Variants in POF1B observed in about 807,000 individuals in gnomAD.
POF1B encodes the protein protein POF1B.
In POF1B, 53 loss-of-function variants were observed where a neutral mutation model predicts 55.3. That is an observed-to-expected ratio of 0.96 (90% CI 0.77 to 1.20). POF1B has a LOEUF of 1.20. Ranked by LOEUF, POF1B falls within the 50% of genes most tolerant of loss-of-function variation. The pLI is 0.00. For missense variants in POF1B, 478 were observed against 420.5 expected, an observed-to-expected ratio of 1.14 and a Z score of -1.20; for synonymous variants, 188 against 148.3, an observed-to-expected ratio of 1.27 and a Z score of -1.95.
chrX:85,297,048 T>C (rs1200089626), intron 15 of POF1B, among the ~76,000 whole-genome samples: 2 of 112,020 alleles, frequency 1.8e-5, no homozygotes, highest in Non-Finnish European at 3.8e-5. Flanking sequence ...TTAGGTAATT[T>C]TTGTAGTAAT....
chrX:85,305,661 A>G (rs1479503499), intron 13 of POF1B, 130 bp downstream of exon 13: 1 of 647,677 alleles, frequency 1.5e-6, no homozygotes, highest in Non-Finnish European at 2.2e-6. Context: ...AAAACAAATG[A>G]ATACATGACA....
At chrX:85,374,718 T>A (rs745408676) in intron 2 of POF1B, among the ~76,000 whole-genome samples, 1 of 111,887 alleles carries the variant, frequency 8.9e-6, no homozygotes, top group East Asian at 2.8e-4. Flanking sequence ...AAAAACCACC[T>A]GACATTTATG....
intron 13 of POF1B, 37 bp downstream of exon 13, chrX:85,305,754 C>A (rs1203197746): frequency 1.7e-6 from 2 of 1,187,161 alleles, no homozygotes; most frequent in Admixed American, 2.3e-5. Flanking sequence ...AAAGTTTGTG[C>A]TGACCTGTGT....
intron 7 of POF1B, among the ~76,000 whole-genome samples, chrX:85,326,872 C>A (rs934668595): frequency 9.1e-6 from 1 of 110,155 alleles, no homozygotes; most frequent in Non-Finnish European, 1.9e-5. Flanking sequence ...AGGCACCCCA[C>A]CTGGGCATCT....
intron 15 of POF1B, among the ~76,000 whole-genome samples, chrX:85,292,261 C>A (rs1932207734): frequency 8.9e-6 from 1 of 111,943 alleles, no homozygotes; most frequent in African/African-American, 3.2e-5. Flanking sequence ...TATGTCTAAC[C>A]AACCTTGCAT....
At chrX:85,375,015 C>T (rs184516241) in intron 2 of POF1B, among the ~76,000 whole-genome samples, 3 of 111,808 alleles carry the variant, frequency 2.7e-5, no homozygotes, top group Admixed American at 1.9e-4. Flanking sequence ...TCCTCCTTCT[C>T]TCCAACCCAA....
intron 3 of POF1B, among the ~76,000 whole-genome samples, chrX:85,362,887 G>C (rs1933649887): frequency 9.1e-6 from 1 of 110,488 alleles, no homozygotes; most frequent in Admixed American, 9.6e-5. Context: ...GGCTTTTTTT[G>C]GTTGTTAGGC....
chrX:85,304,171 G>T (rs67363731), intron 14 of POF1B, among the ~76,000 whole-genome samples, 172 bp downstream of exon 14: 28,330 of 110,648 alleles, frequency 0.26, 3,928 homozygotes, highest in African/African-American at 0.54. Context: ...TTTGAATTGT[G>T]TCTCCTGAAA....
At chrX:85,342,832 G>A (rs779961714) in intron 6 of POF1B, among the ~76,000 whole-genome samples, 21 of 111,147 alleles carry the variant, frequency 1.9e-4, no homozygotes, top group Non-Finnish European at 3.6e-4. Context: ...ACACCAAGGT[G>A]CCTAGGTGGG....
Position 85,304,387 on chromosome X carries a change from T to C in POF1B, c.1522A>G (p.Ser508Gly). Residue 508 changes from serine to glycine, a missense_variant, in exon 14 of 17, where the codon AGC becomes GGC. Ser to Gly is a moderately conservative substitution (Grantham distance 56). Transcript: ENST00000262753. ...AGGGAATCCTTCTCTTCCAGCAAGC[T>C]TGTCAGTTCATGAAGCTTAAATTGG... is the stretch of plus-strand genomic sequence containing the variant. ...DFQFKLHELT[S>G]LLEEKDSLIK... 8.4e-7 allele frequency: 1 copy of C among 1,193,693 alleles called. No individual in the cohort carries two copies. Among genetic ancestry groups the C allele is most frequent in the Non-Finnish European group, 1.1e-6 (1 of 884,635 alleles).
intron 13 of POF1B, 48 bp from the exon 14 acceptor site, chrX:85,304,519 A>G: frequency 1.2e-6 from 1 of 825,028 alleles, no homozygotes; most frequent in Non-Finnish European, 1.6e-6. Context: ...TCATATAGAA[A>G]ATGTGTAACT....
At chrX:85,377,837 C>A (rs1417744121) in intron 2 of POF1B, among the ~76,000 whole-genome samples, 2 of 111,928 alleles carry the variant, frequency 1.8e-5, no homozygotes, top group Non-Finnish European at 3.8e-5. Context: ...TATAATTTGT[C>A]AAATTTCAGC....
At chrX:85,375,030 C>T (rs1019855125) in intron 2 of POF1B, among the ~76,000 whole-genome samples, 11 of 111,576 alleles carry the variant, frequency 9.9e-5, no homozygotes, top group African/African-American at 3.6e-4. Context: ...ACCCAAATCC[C>T]TCATTTAAGA....
In POF1B at chrX:85,369,348, A is replaced by G. The variant is rs187605828; in HGVS notation, c.283-1582T>C. ...AGGAGCAGATTCAAGAAGACAAGAA[A>G]AAAGAGGGGTGCTCTTTAGTTATGG... is the stretch of plus-strand genomic sequence containing the variant. On this transcript the variant is annotated intron_variant, in intron 2 of 16. Coordinates refer to ENST00000262753, the MANE Select transcript of POF1B (RefSeq NM_024921.4). Among the ~76,000 whole-genome samples, 296 of 111,283 alleles carry G rather than the reference A, an allele frequency of 2.7e-3. 2 individuals are homozygous for G. The highest frequency in any genetic ancestry group is 9.4e-3 in the African/African-American group (290 of 30,706).
chrX:85,355,992 A>G (rs1603070467), intron 4 of POF1B, among the ~76,000 whole-genome samples: 1 of 111,756 alleles, frequency 8.9e-6, no homozygotes. Flanking sequence ...TCATGTTGCT[A>G]TAAAGACACA....
intron 2 of POF1B, among the ~76,000 whole-genome samples, chrX:85,369,948 C>T: frequency 8.9e-6 from 1 of 112,069 alleles, no homozygotes; most frequent in East Asian, 2.8e-4. Context: ...CAACTATACA[C>T]ATGGTTAGTA....
chrX:85,293,348 A>G (rs1932235657), intron 15 of POF1B, among the ~76,000 whole-genome samples: 1 of 112,081 alleles, frequency 8.9e-6, no homozygotes, highest in Non-Finnish European at 1.9e-5. Context: ...CATAAAAAGA[A>G]CAAGATCATA....
intron 4 of POF1B, among the ~76,000 whole-genome samples, chrX:85,353,641 CA>C (rs889264915): frequency 2.7e-5 from 3 of 110,565 alleles, no homozygotes; most frequent in East Asian, 2.9e-4. Context: ...GACTCTTTTA[CA>C]AAAAAATGTC....
intron 6 of POF1B, among the ~76,000 whole-genome samples, chrX:85,342,208 A>G (rs1342852844): frequency 8.9e-6 from 1 of 111,840 alleles, no homozygotes; most frequent in Non-Finnish European, 1.9e-5. Flanking sequence ...TGATATTAGT[A>G]GGGAGGACCA....
Sources: allele counts gnomAD v4.1 joint callset (sites outside exome capture counted in the v4.1 genomes callset), GRCh38; gene constraint gnomAD v4.1.1; transcripts MANE v1.5; gene names NCBI Gene and HGNC (gene_info 2026-07-23, HGNC 2026-07-21).